ZNF131: variants seen among roughly 807,000 people sequenced by gnomAD.
The protein encoded by ZNF131 is zinc finger and BTB domain containing 35.
Under a neutral mutation model 60.0 loss-of-function variants are expected in ZNF131, and 7 were observed. The ratio of observed to expected loss-of-function variants is 0.12; its 90% CI spans 0.07 to 0.22. The LOEUF (loss-of-function observed/expected upper bound fraction) is 0.22. Ranked by LOEUF, ZNF131 falls within the 10% of genes least tolerant of loss-of-function variation. The probability of loss-of-function intolerance (pLI) is 1.00; values close to 1 mark genes in which losing one functional copy is unlikely to be tolerated. For missense variants in ZNF131, 493 were observed against 740.9 expected (o/e 0.67, Z 3.88); for synonymous variants, 257 against 253.2 (o/e 1.01, Z -0.14).
intron 5 of ZNF131, among the ~76,000 whole-genome samples, chr5:43,166,013 G>A (rs1750301209): frequency 6.6e-6 from 1 of 152,170 alleles, no homozygotes; most frequent in Non-Finnish European, 1.5e-5. Context: ...ACCTCTTCTA[G>A]CTTCTGCCCT....
chr5:43,167,851 A>T (rs534735715), intron 5 of ZNF131: 1 of 347,562 alleles, frequency 2.9e-6, no homozygotes, highest in Non-Finnish European at 5.7e-6. Context: ...GACAAAGGTG[A>T]TATCTTAGTC....
intron 4 of ZNF131, among the ~76,000 whole-genome samples, chr5:43,148,236 A>G (rs1016615043): frequency 2.0e-5 from 3 of 151,558 alleles, no homozygotes; most frequent in Non-Finnish European, 4.4e-5. Flanking sequence ...TTAACTAGCT[A>G]TGTGTGGTGG....
intron 3 of ZNF131, among the ~76,000 whole-genome samples, chr5:43,130,073 C>A (rs1412758518): frequency 6.6e-6 from 1 of 151,204 alleles, no homozygotes; most frequent in Non-Finnish European, 1.5e-5. Context: ...CGAGACCAGC[C>A]TGGGCAACAC....
intron 4 of ZNF131, among the ~76,000 whole-genome samples, chr5:43,152,336 C>T (rs774135199): frequency 6.6e-5 from 10 of 152,120 alleles, no homozygotes; most frequent in Admixed American, 2.0e-4. Flanking sequence ...CTCCTGAATG[C>T]CAGCTGACTT....
chr5:43,149,420 T>G (rs1622767), intron 4 of ZNF131, among the ~76,000 whole-genome samples: 1 of 152,242 alleles, frequency 6.6e-6, no homozygotes, highest in South Asian at 2.1e-4. Context: ...TATGGATGTA[T>G]CACCATTTGT....
intron 4 of ZNF131, among the ~76,000 whole-genome samples, chr5:43,148,061 T>G (rs570976959): frequency 3.6e-5 from 5 of 139,972 alleles, no homozygotes; most frequent in African/African-American, 1.3e-4. Flanking sequence ...TTTTTTTTTT[T>G]CTGGAAAAAA....
At chr5:43,161,100 C>T (rs1749637638) in intron 4 of ZNF131, 149 bp from the exon 5 acceptor site, 3 of 676,574 alleles carry the variant, frequency 4.4e-6, no homozygotes, top group Middle Eastern at 4.1e-4. Flanking sequence ...ATTACTGTAG[C>T]TTTAAGTCTT....
At chr5:43,172,527 C>T (rs1181083851) in intron 5 of ZNF131, among the ~76,000 whole-genome samples, 2 of 151,550 alleles carry the variant, frequency 1.3e-5, no homozygotes, top group Non-Finnish European at 2.9e-5. Context: ...GAGGCTGAGA[C>T]ACAAGAATCA....
At chr5:43,171,176 G>C (rs941249980) in intron 5 of ZNF131, among the ~76,000 whole-genome samples, 2 of 151,704 alleles carry the variant, frequency 1.3e-5, no homozygotes, top group South Asian at 2.1e-4. Context: ...TCCAACTCCT[G>C]ACCTCACGTG....
At position 43,174,986 on chromosome 5, in the gene ZNF131, GGA is replaced by G. The variant is rs765476045; in HGVS notation, c.1733_1734del (p.Glu578ValfsTer2). 2 of 1,614,006 alleles carry G rather than the reference GGA, an allele frequency of 1.2e-6. No individual in the cohort carries two copies. The highest frequency in any genetic ancestry group is 1.3e-5 in the African/African-American group (1 of 74,894). ...HVTPEIMNQEERESSQADAAE... is the reference protein window; with the variant it reads ...HVTPEIMNQEXRESSQADAAE... ...TGACCCCAGAAATCATGAACCAAGA[GGA>G]GAGAGAGTCTAGCCAAGCAGATGCT... On this transcript the variant is annotated frameshift_variant, in exon 7 of 7. Coordinates refer to ENST00000682664, the MANE Select transcript of ZNF131 (RefSeq NM_001330707.2). LOFTEE classifies it high-confidence loss of function.
At chr5:43,163,673 T>C (rs942773049) in intron 5 of ZNF131, among the ~76,000 whole-genome samples, 12 of 152,230 alleles carry the variant, frequency 7.9e-5, no homozygotes, top group African/African-American at 2.9e-4. Flanking sequence ...TACAAGGGTA[T>C]GGAGAGAGCA....
rs1036042058 is a variant in ZNF131 at position 43,176,021 on chromosome 5, C to T, written c.*888C>T. ...TACCACCAGATGAGAAAAAGATGAG[C>T]AGCATTTAAAAATTAATGTATTTAA... On this transcript the variant is annotated 3_prime_UTR_variant, in exon 7 of 7. Coordinates refer to ENST00000682664, the MANE Select transcript of ZNF131 (RefSeq NM_001330707.2). The T allele has an allele frequency of 6.6e-6, 1 of 152,100 alleles. No individual in the cohort carries two copies. Among genetic ancestry groups the T allele is most frequent in the African/African-American group, 2.4e-5 (1 of 41,400 alleles). 9.4% of individuals were successfully genotyped at this position (152,100 alleles called of 1,614,324 possible).
intron 4 of ZNF131, among the ~76,000 whole-genome samples, chr5:43,148,827 G>C (rs1169965220): frequency 1.3e-5 from 2 of 152,180 alleles, no homozygotes; most frequent in African/African-American, 4.8e-5. Context: ...TTCTTGTGAA[G>C]TCATTATCAC....
At chr5:43,145,615 T>C (rs1579799925) in intron 4 of ZNF131, among the ~76,000 whole-genome samples, 1 of 151,834 alleles carries the variant, frequency 6.6e-6, no homozygotes, top group East Asian at 1.9e-4. Flanking sequence ...ATCGCACCAC[T>C]GCACTCCATC....
At chr5:43,137,013 A>G (rs1269887781) in intron 3 of ZNF131, among the ~76,000 whole-genome samples, 1 of 152,202 alleles carries the variant, frequency 6.6e-6, no homozygotes, top group Non-Finnish European at 1.5e-5. Context: ...ATTCACATGA[A>G]AAAAGATGAA....
At chr5:43,153,232 A>C (rs568614234) in intron 4 of ZNF131, among the ~76,000 whole-genome samples, 2 of 152,288 alleles carry the variant, frequency 1.3e-5, no homozygotes, top group East Asian at 3.9e-4. Context: ...ACTAGAATGA[A>C]GTTCGAATTT....
At chr5:43,123,061 A>C in intron 2 of ZNF131, 148 bp from the exon 3 acceptor site, 1 of 590,530 alleles carries the variant, frequency 1.7e-6, no homozygotes, top group Non-Finnish European at 2.9e-6. Context: ...GCTGCCAAGA[A>C]TATTCTGCAT....
At chr5:43,135,243 CCT>C (rs1350835466) in intron 3 of ZNF131, among the ~76,000 whole-genome samples, 3 of 150,306 alleles carry the variant, frequency 2.0e-5, no homozygotes, top group Non-Finnish European at 4.4e-5. Context: ...GATCCACCAA[CCT>C]CGGCCTCCCA....
intron 4 of ZNF131, among the ~76,000 whole-genome samples, chr5:43,158,521 C>A (rs1315645205): frequency 6.6e-6 from 1 of 152,034 alleles, no homozygotes; most frequent in Non-Finnish European, 1.5e-5. Context: ...AACTCCTGAC[C>A]TCAGTTGATC....
Sources: gnomAD v4.1 joint callset for allele counts (sites outside exome capture counted in the v4.1 genomes callset) on GRCh38, gnomAD v4.1.1 for gene constraint, MANE v1.5 for transcripts, NCBI Gene and HGNC (gene_info 2026-07-23, HGNC 2026-07-21) for gene names.